UMODL1: variants seen among roughly 807,000 people sequenced by gnomAD.
The protein encoded by UMODL1 is uromodulin-like 1.
In UMODL1, 128 loss-of-function variants were observed where a neutral mutation model predicts 136.3. The observed-to-expected ratio is 0.94, with a 90% CI of 0.81 to 1.09. The LOEUF (loss-of-function observed/expected upper bound fraction) is 1.09, where lower values mean the gene tolerates loss of function less well. Among genes scored for constraint, UMODL1 ranks in the 50% least tolerant of loss-of-function variants. The probability of loss-of-function intolerance (pLI) is 0.00; values close to 1 mark genes in which losing one functional copy is unlikely to be tolerated. For synonymous variants in UMODL1, 721 were observed against 720.0 expected (o/e 1.00, Z -0.02); for missense variants, 1,766 against 1,725.6 (o/e 1.02, Z -0.41).
Position 42,123,183 on chromosome 21 carries a change from A to G in UMODL1, c.3147+33A>G, listed in dbSNP as rs745932993. On this transcript the variant is annotated intron_variant, in intron 17 of 22. Coordinates refer to ENST00000408910, the MANE Select transcript of UMODL1 (RefSeq NM_001004416.3). The surrounding 1 kb of genome is among the most constrained non-coding windows in gnomAD (Gnocchi z 4.4). ...CAGGAGAGCCAGGCTCAGGATGTAC[A>G]CTAGGGCGCAAGGGGCTCTAGGTTA... is the stretch of plus-strand genomic sequence containing the variant. 1.9e-6 allele frequency: 3 copies of G among 1,581,778 alleles called. 1 individual carries two copies. Among genetic ancestry groups the G allele is most frequent in the Admixed American group, 3.4e-5 (2 of 58,270 alleles).
rs200506437 is a variant in UMODL1 at position 42,109,651 on chromosome 21, C to T, written c.1609C>T (p.Arg537Cys). The T allele has an allele frequency of 2.2e-5, 35 of 1,609,106 alleles. No homozygotes were observed. The Admixed American group carries it at 3.5e-4, about 16-fold the overall frequency. ...NLEGSYTCQCRTTRDATPSRA... is the reference protein window; with the variant it reads ...NLEGSYTCQCCTTRDATPSRA... ...GGAGGGCTCCTACACCTGCCAGTGC[C>T]GTACCACCAGGGACGCCACCCCCTC... Residue 537 changes from arginine to cysteine, a missense_variant, in exon 10 of 23, where the codon CGT (arginine) becomes TGT (cysteine). By Grantham distance (180) the Arg-to-Cys change is radical. Coordinates refer to ENST00000408910, the MANE Select transcript of UMODL1 (RefSeq NM_001004416.3).
At chr21:42,138,991 G>T (rs2067244808) in intron 22 of UMODL1, among the ~76,000 whole-genome samples, 1 of 152,128 alleles carries the variant, frequency 6.6e-6, no homozygotes, top group African/African-American at 2.4e-5. Context: ...AAGATAGAAA[G>T]ACTCCATCTC....
upstream of UMODL1, among the ~76,000 whole-genome samples, chr21:42,068,752 G>A (rs1257593930): frequency 6.6e-6 from 1 of 152,226 alleles, no homozygotes; most frequent in Admixed American, 6.5e-5. This position sits in a 1 kb window ranked among gnomAD's most constrained non-coding sequence, Gnocchi z 5.5. Flanking sequence ...GTGTGTGTAA[G>A]TGTGAACGTG....
At chr21:42,075,418 C>T (rs1416781648) in intron 1 of UMODL1, among the ~76,000 whole-genome samples, 1 of 152,196 alleles carries the variant, frequency 6.6e-6, no homozygotes, top group Non-Finnish European at 1.5e-5. Flanking sequence ...CGACCGCACT[C>T]CACAGGTGCT....
chr21:42,085,356 G>A lies in UMODL1; in HGVS notation c.547G>A (p.Glu183Lys), dbSNP rs978056709. ...CATACTGGTGAAAATGGACTTCAAG[G>A]AACTCCAGCAAGTGGACCCCAGGCT... ...VTILVKMDFK[E>K]LQQVDPRLLN... Residue 183 changes from glutamate to lysine, a missense_variant, in exon 4 of 23, where the codon GAA (glutamate) becomes AAA (lysine). Physicochemically the swap from Glu to Lys is moderately conservative, Grantham distance 56. Transcript: ENST00000408910. This position sits in a 1 kb window ranked among gnomAD's most constrained non-coding sequence, Gnocchi z 4.5. 5.0e-6 allele frequency: 8 copies of A among 1,614,034 alleles called. No individual in the cohort carries two copies. Among genetic ancestry groups the A allele is most frequent in the Non-Finnish European group, 6.8e-6 (8 of 1,179,982 alleles).
Position 42,085,741 on chromosome 21 carries a change from G to A in UMODL1, c.603+329G>A, listed in dbSNP as rs1055043616. Reference sequence around the variant, plus strand: ...TCCCAGCAAAGACAGCCTAAGCCCCGAGCTCTTCCCTCACCACCCTCAGTC... The same window carrying A: ...TCCCAGCAAAGACAGCCTAAGCCCCAAGCTCTTCCCTCACCACCCTCAGTC... On this transcript the variant is annotated intron_variant, in intron 4 of 22. Transcript: ENST00000408910. This position sits in a 1 kb window ranked among gnomAD's most constrained non-coding sequence, Gnocchi z 4.5. Among the ~76,000 whole-genome samples the A allele has an allele frequency of 2.0e-5, 3 of 152,128 alleles. No individual in the cohort carries two copies. The highest frequency in any genetic ancestry group is 7.2e-5 in the African/African-American group (3 of 41,406).
At chr21:42,073,237 G>C (rs144752566) in intron 1 of UMODL1, among the ~76,000 whole-genome samples, 5 of 152,190 alleles carry the variant, frequency 3.3e-5, no homozygotes, top group African/African-American at 1.2e-4. Flanking sequence ...GGAAGTCCTC[G>C]GCCTTTGCCT....
intron 6 of UMODL1, among the ~76,000 whole-genome samples, chr21:42,090,642 T>G (rs2066481146): frequency 6.6e-6 from 1 of 152,260 alleles, no homozygotes; most frequent in Admixed American, 6.5e-5. Context: ...AGCATTCTGC[T>G]TTTAGTAGTG....
rs542858508 is a variant in UMODL1, at chr21:42,082,001, C to T, written c.320-2083C>T. Among the ~76,000 whole-genome samples the T allele has an allele frequency of 6.6e-5, 10 of 152,306 alleles. No individual in the cohort carries two copies. In the East Asian group the frequency reaches 1.4e-3, roughly 21 times the overall value. ...GCACCCAACGTTCATTTTTCATGCA[C>T]GGCCATCGGTAGAGCTGCCTGGATG... On this transcript the variant is annotated intron_variant, in intron 2 of 22. Coordinates refer to ENST00000408910, the MANE Select transcript of UMODL1 (RefSeq NM_001004416.3).
rs2066934400 is a variant in UMODL1, at chr21:42,119,026, C to G, written c.2476-85C>G. 2.9e-6 allele frequency: 4 copies of G among 1,400,868 alleles called. No homozygotes were observed. In the Admixed American group the frequency reaches 5.6e-5, roughly 20 times the overall value. 86.8% of individuals were successfully genotyped at this position (1,400,868 alleles called of 1,614,324 possible). A position where few individuals can be genotyped will look rare whatever the true frequency, so the allele number is the denominator to read the frequency against. On this transcript the variant is annotated intron_variant, in intron 14 of 22. Coordinates refer to ENST00000408910, the MANE Select transcript of UMODL1 (RefSeq NM_001004416.3). ...GCCACGGGCCAGCCCTGCTGCTGGG[C>G]AGACTGGCAGGAGGAACCGCCTTGA...
At chr21:42,116,189 A>AAAG (rs1308564085) in intron 14 of UMODL1, among the ~76,000 whole-genome samples, 1 of 150,400 alleles carries the variant, frequency 6.6e-6, no homozygotes, top group Non-Finnish European at 1.5e-5. Flanking sequence ...AAAAAAAAAA[A>AAAG]AAAAAATACA....
intron 9 of UMODL1, among the ~76,000 whole-genome samples, chr21:42,104,403 G>A (rs2066684291): frequency 6.6e-6 from 1 of 151,746 alleles, no homozygotes; most frequent in South Asian, 2.1e-4. Context: ...CCCACCTGTG[G>A]GTCTATTTCT....
intron 4 of UMODL1, among the ~76,000 whole-genome samples, chr21:42,087,672 A>C (rs2066441653): frequency 6.6e-6 from 1 of 152,222 alleles, no homozygotes; most frequent in African/African-American, 2.4e-5. Context: ...TGGCAAGGGC[A>C]GAAGACCGAG....
chr21:42,096,815 A>G (rs1252932278), intron 6 of UMODL1, among the ~76,000 whole-genome samples: 3 of 152,246 alleles, frequency 2.0e-5, no homozygotes, highest in Non-Finnish European at 4.4e-5. Flanking sequence ...GATTAAAAAA[A>G]TGCTTGGGGC....
At chr21:42,135,135 G>A (rs1053050416) in intron 21 of UMODL1, among the ~76,000 whole-genome samples, 1 of 152,124 alleles carries the variant, frequency 6.6e-6, no homozygotes. Context: ...AATTTCCCCC[G>A]CATCGTGGAC....
upstream of UMODL1, among the ~76,000 whole-genome samples, chr21:42,070,144 C>T (rs220271): frequency 0.76 from 116,209 of 152,090 alleles, 44,933 homozygotes; most frequent in Admixed American, 0.84. Context: ...AACGTTGGTG[C>T]GGGAGTTAGG....
chr21:42,111,817 A>G lies in UMODL1; in HGVS notation c.2104+107A>G, dbSNP rs1000490327. Reference sequence around the variant, plus strand: ...GCCGTGGAGTCGCAGGCTGCTAGCAATGCTCAGGCGGCATCCTCATCTTGT... The same window carrying G: ...GCCGTGGAGTCGCAGGCTGCTAGCAGTGCTCAGGCGGCATCCTCATCTTGT... On this transcript the variant is annotated intron_variant, in intron 12 of 22. Coordinates refer to ENST00000408910, the MANE Select transcript of UMODL1 (RefSeq NM_001004416.3). The G allele has an allele frequency of 2.5e-5, 29 of 1,166,506 alleles. No homozygotes were observed. The East Asian group carries it at 3.6e-4, about 15-fold the overall frequency. The allele number at this position is 1,166,506 out of a possible 1,614,324, so 72.3% of individuals were successfully genotyped here.
intron 9 of UMODL1, 136 bp from the exon 10 acceptor site, chr21:42,109,426 G>A (rs1286867928): frequency 6.1e-6 from 7 of 1,153,194 alleles, no homozygotes; most frequent in East Asian, 2.5e-5. Context: ...AGTGTTGGAC[G>A]GATGCCCCAA....
chr21:42,092,730 C>T (rs1328417803), intron 6 of UMODL1, among the ~76,000 whole-genome samples: 1 of 152,230 alleles, frequency 6.6e-6, no homozygotes, highest in Non-Finnish European at 1.5e-5. Context: ...CCTTTGTTCA[C>T]AATAACACCA....
Sources: gnomAD v4.1 joint callset for allele counts (sites outside exome capture counted in the v4.1 genomes callset) on GRCh38, gnomAD v4.1.1 for gene constraint, Gnocchi (gnomAD v3.1) non-coding constraint, MANE v1.5 for transcripts, NCBI Gene and HGNC (gene_info 2026-07-23, HGNC 2026-07-21) for gene names.